CLDN10: variants seen among roughly 807,000 people sequenced by gnomAD.
CLDN10 encodes the protein claudin 10.
Under a neutral mutation model 22.9 loss-of-function variants are expected in CLDN10, and 15 were observed. That is an observed-to-expected ratio of 0.65 (90% CI 0.44 to 1.01). The LOEUF (loss-of-function observed/expected upper bound fraction) is 1.01, where lower values mean the gene tolerates loss of function less well. Ranked by LOEUF, CLDN10 falls within the 50% of genes least tolerant of loss-of-function variation. The pLI, the probability that CLDN10 is intolerant of heterozygous loss-of-function variation, is 0.00. For missense variants in CLDN10, 247 were observed against 287.8 expected (o/e 0.86, Z 1.03); for synonymous variants, 114 against 111.4 (o/e 1.02, Z -0.15).
chr13:95,555,599 T>C (rs1039715336), intron 1 of CLDN10, among the ~76,000 whole-genome samples: 1 of 152,250 alleles, frequency 6.6e-6, no homozygotes, highest in African/African-American at 2.4e-5. Flanking sequence ...ACTTTGAAAT[T>C]TGTAATAGAA....
At chr13:95,436,818 A>G (rs1254906361) in intron 1 of CLDN10, among the ~76,000 whole-genome samples, 3 of 152,342 alleles carry the variant, frequency 2.0e-5, no homozygotes, top group Non-Finnish European at 2.9e-5. Context: ...AAAACATAAC[A>G]ATGAGGGAAT....
At chr13:95,434,472 C>T (rs1175566518) in intron 1 of CLDN10, among the ~76,000 whole-genome samples, 1 of 111,624 alleles carries the variant, frequency 9.0e-6, no homozygotes, top group Non-Finnish European at 1.8e-5. Flanking sequence ...TATATATACA[C>T]CCACAAACAC....
At chr13:95,448,492 A>C (rs565128147) in intron 1 of CLDN10, among the ~76,000 whole-genome samples, 1 of 152,202 alleles carries the variant, frequency 6.6e-6, no homozygotes, top group African/African-American at 2.4e-5. Flanking sequence ...GAGGGAAAGA[A>C]AGACTTAGAG....
At chr13:95,566,930 T>C (rs2043794998) in intron 3 of CLDN10, among the ~76,000 whole-genome samples, 1 of 152,190 alleles carries the variant, frequency 6.6e-6, no homozygotes, top group Admixed American at 6.5e-5. Flanking sequence ...CAGATGGTTG[T>C]AGATGTGTGG....
At chr13:95,511,767 CTTTTTT>C (rs71113940) in intron 1 of CLDN10, among the ~76,000 whole-genome samples, 9 of 26,106 alleles carry the variant, frequency 3.4e-4, no homozygotes, top group East Asian at 2.3e-3. Context: ...ATTCTCTCTC[CTTTTTT>C]TTTTTTTTTT....
intron 1 of CLDN10, among the ~76,000 whole-genome samples, chr13:95,510,368 G>A (rs2043083614): frequency 1.3e-5 from 2 of 152,212 alleles, no homozygotes; most frequent in African/African-American, 4.8e-5. Flanking sequence ...TGACCCCTCT[G>A]AGCACACTTT....
intron 1 of CLDN10, among the ~76,000 whole-genome samples, chr13:95,508,790 C>T (rs2043066023): frequency 6.6e-6 from 1 of 152,168 alleles, no homozygotes; most frequent in Admixed American, 6.5e-5. Flanking sequence ...GTTGGAGGAG[C>T]CGGGTAGTCT....
Position 95,478,266 on chromosome 13 carries a change from C to T in CLDN10, c.214+44219C>T, listed in dbSNP as rs181279819. On this transcript the variant is annotated intron_variant, in intron 1 of 4. Transcript: ENST00000376873. ...GAGGTTGCAGTGAGCCAAGATCGCACCACTGCACTCCAGCCTGGACAACAG... is the reference window on the plus strand; with the variant it reads ...GAGGTTGCAGTGAGCCAAGATCGCATCACTGCACTCCAGCCTGGACAACAG... 3.3e-5 allele frequency among the ~76,000 whole-genome samples: 5 copies of T among 152,284 alleles called. No individual in the cohort carries two copies. The East Asian group carries it at 5.8e-4, about 18-fold the overall frequency.
chr13:95,514,260 G>A (rs75658807), intron 1 of CLDN10, among the ~76,000 whole-genome samples: 14,780 of 151,804 alleles, frequency 0.097, 888 homozygotes, highest in Middle Eastern at 0.12. Context: ...CCCTGTCTCA[G>A]AAAAGAAAAA....
At chr13:95,543,352 G>A (rs1011783422) in intron 1 of CLDN10, among the ~76,000 whole-genome samples, 1 of 152,186 alleles carries the variant, frequency 6.6e-6, no homozygotes, top group African/African-American at 2.4e-5. Context: ...AGGTGGAAGT[G>A]TGGAGGTACA....
At chr13:95,549,180 C>T (rs1054769212), upstream of CLDN10, among the ~76,000 whole-genome samples, 2 of 152,170 alleles carry the variant, frequency 1.3e-5, no homozygotes, top group Admixed American at 1.3e-4. Flanking sequence ...AGATCTATAG[C>T]TTTTTGTAAA....
chr13:95,515,522 G>A (rs2043154679), intron 1 of CLDN10, among the ~76,000 whole-genome samples: 1 of 152,156 alleles, frequency 6.6e-6, no homozygotes, highest in African/African-American at 2.4e-5. Context: ...GCCTTTTGTG[G>A]CATGAATGTA....
intron 1 of CLDN10, among the ~76,000 whole-genome samples, chr13:95,441,071 G>A (rs1230425724): frequency 6.6e-6 from 1 of 152,186 alleles, no homozygotes; most frequent in Non-Finnish European, 1.5e-5. Context: ...GCTGTGTCTG[G>A]CTTAGAAGGC....
At chr13:95,532,719 T>G (rs1362343333) in intron 1 of CLDN10, among the ~76,000 whole-genome samples, 1 of 134,538 alleles carries the variant, frequency 7.4e-6, no homozygotes, top group African/African-American at 2.8e-5. Flanking sequence ...AAACTGGGAA[T>G]AGCTCACATG....
At chr13:95,485,736 A>G (rs2042797271) in intron 1 of CLDN10, among the ~76,000 whole-genome samples, 1 of 152,174 alleles carries the variant, frequency 6.6e-6, no homozygotes, top group Non-Finnish European at 1.5e-5. Flanking sequence ...TTTCCTCCAG[A>G]TAAGGACTAG....
At chr13:95,455,251 G>A (rs1342949004) in intron 1 of CLDN10, among the ~76,000 whole-genome samples, 1 of 151,888 alleles carries the variant, frequency 6.6e-6, no homozygotes, top group Admixed American at 6.6e-5. Context: ...ATTGGCCAGT[G>A]GCCACAGGAT....
chr13:95,544,496 T>C (rs975750424), intron 1 of CLDN10, among the ~76,000 whole-genome samples: 1 of 152,224 alleles, frequency 6.6e-6, no homozygotes, highest in African/African-American at 2.4e-5. Flanking sequence ...ACATCAACTT[T>C]GTTCTTTAGA....
At chr13:95,487,940 A>G (rs1474091885) in intron 1 of CLDN10, among the ~76,000 whole-genome samples, 1 of 151,380 alleles carries the variant, frequency 6.6e-6, no homozygotes, top group East Asian at 1.9e-4. Context: ...AGCCTCCCAA[A>G]GTGCTAGGAT....
intron 1 of CLDN10, among the ~76,000 whole-genome samples, chr13:95,527,555 C>A (rs541138745): frequency 1.4e-5 from 2 of 144,876 alleles, no homozygotes; most frequent in Non-Finnish European, 3.0e-5. Context: ...CATGGTGGAA[C>A]CTCAAGTCTA....
Sources: allele counts gnomAD v4.1 joint callset (sites outside exome capture counted in the v4.1 genomes callset), GRCh38; gene constraint gnomAD v4.1.1; transcripts MANE v1.5; gene names NCBI Gene and HGNC (gene_info 2026-07-23, HGNC 2026-07-21).